The following PCSK5 variants were observed in gnomAD, a reference collection of about 807,000 sequenced individuals.
The protein encoded by PCSK5 is proprotein convertase subtilisin/kexin type 5.
In PCSK5, 129 loss-of-function variants were observed where a neutral mutation model predicts 233.2. That is an observed-to-expected ratio of 0.55 (90% CI 0.48 to 0.64). The LOEUF (loss-of-function observed/expected upper bound fraction) is 0.64. Among genes scored for constraint, PCSK5 ranks in the 30% least tolerant of loss-of-function variants. PCSK5 has a pLI of 0.00. For missense variants in PCSK5, 2,076 were observed against 2,430.1 expected, an observed-to-expected ratio of 0.85 and a Z score of 3.06; for synonymous variants, 825 against 879.2, an observed-to-expected ratio of 0.94 and a Z score of 1.09.
intron 2 of PCSK5, among the ~76,000 whole-genome samples, chr9:75,955,781 G>C (rs1825067408): frequency 6.6e-6 from 1 of 151,920 alleles, no homozygotes; most frequent in Admixed American, 6.6e-5. Flanking sequence ...AAATACAAAG[G>C]AGTAAGTTTT....
intron 11 of PCSK5, among the ~76,000 whole-genome samples, chr9:76,158,690 T>C (rs1469622468): frequency 6.6e-6 from 1 of 152,152 alleles, no homozygotes; most frequent in Non-Finnish European, 1.5e-5. Context: ...AATCATACAC[T>C]CTGGGGCCAG....
At chr9:76,022,520 A>T (rs779878500) in intron 3 of PCSK5, among the ~76,000 whole-genome samples, 34 of 152,184 alleles carry the variant, frequency 2.2e-4, no homozygotes, top group Non-Finnish European at 4.4e-4. Context: ...ATTATGTAGC[A>T]GCACAGCTCT....
chr9:75,935,948 A>G (rs1269733722), intron 2 of PCSK5, among the ~76,000 whole-genome samples: 1 of 152,184 alleles, frequency 6.6e-6, no homozygotes, highest in Non-Finnish European at 1.5e-5. Context: ...TACTACAAGC[A>G]CACCTCAGAG....
chr9:76,143,759 T>G (rs1312059582), intron 10 of PCSK5, among the ~76,000 whole-genome samples: 2 of 151,668 alleles, frequency 1.3e-5, no homozygotes, highest in African/African-American at 4.9e-5. Context: ...AAAGAAGTGC[T>G]TTTTGAAATG....
intron 20 of PCSK5, among the ~76,000 whole-genome samples, chr9:76,191,339 G>A (rs1347782055): frequency 1.3e-5 from 2 of 152,116 alleles, no homozygotes; most frequent in Non-Finnish European, 2.9e-5. Flanking sequence ...CCATTGTCAG[G>A]AGAATGTGGA....
chr9:76,269,504 A>C (rs1302817951), intron 24 of PCSK5, among the ~76,000 whole-genome samples: 1 of 152,204 alleles, frequency 6.6e-6, no homozygotes, highest in Non-Finnish European at 1.5e-5. Flanking sequence ...AGAAGCTTAA[A>C]AAGGGTATTA....
intron 24 of PCSK5, among the ~76,000 whole-genome samples, chr9:76,268,942 G>A (rs943627226): frequency 2.6e-5 from 4 of 152,226 alleles, no homozygotes; most frequent in African/African-American, 9.6e-5. Flanking sequence ...CTAATTAACT[G>A]TTTGGCTTTG....
At chr9:76,114,311 A>G (rs905063015) in intron 9 of PCSK5, among the ~76,000 whole-genome samples, 2 of 152,148 alleles carry the variant, frequency 1.3e-5, no homozygotes, top group Admixed American at 1.3e-4. Flanking sequence ...ACCAGACCCA[A>G]AGAGCAGTTA....
chr9:76,353,633 C>G (rs1212558767), intron 36 of PCSK5, among the ~76,000 whole-genome samples: 1 of 152,176 alleles, frequency 6.6e-6, no homozygotes, highest in Non-Finnish European at 1.5e-5. Context: ...AAATTAGGAA[C>G]AAATTTACAT....
intron 25 of PCSK5, 85 bp downstream of exon 25, chr9:76,292,360 A>C (rs1828304968): frequency 1.1e-6 from 1 of 876,504 alleles, no homozygotes; most frequent in South Asian, 1.4e-5. Context: ...CGATTAAAGC[A>C]AAGTGGCCCT....
chr9:76,181,842 C>T (rs1436162607), intron 16 of PCSK5, among the ~76,000 whole-genome samples: 2 of 152,132 alleles, frequency 1.3e-5, no homozygotes, highest in Non-Finnish European at 2.9e-5. Flanking sequence ...GGGGTATAGT[C>T]GTGCTCATGA....
Position 76,328,136 on chromosome 9 carries a change from T to A in PCSK5, c.4467T>A (p.Asp1489Glu). ...NEKCSPSEYWDEDAPGCKPCH... is the reference protein window; with the variant it reads ...NEKCSPSEYWEEDAPGCKPCH... Reference sequence around the variant, plus strand: ...AGTGCTCACCCTCCGAGTACTGGGATGAGGATGCTCCCGGGTGCAAGCCCT... The same window carrying A: ...AGTGCTCACCCTCCGAGTACTGGGAAGAGGATGCTCCCGGGTGCAAGCCCT... The change falls in exon 33 of 38, where the codon GAT becomes GAA. Residue 1489 changes from aspartate (D) to glutamate (E), a missense_variant. Around this residue, in one of 6 missense-constraint regions of PCSK5, gnomAD observed 1,510 missense variants for 1,538.1 expected, o/e 0.98. Transcript: ENST00000674117. 6.2e-7 allele frequency: 1 copy of A among 1,612,674 alleles called. No homozygotes were observed. The highest frequency in any genetic ancestry group is 2.2e-5 in the East Asian group (1 of 44,878).
chr9:76,235,211 C>G lies in PCSK5; in HGVS notation c.2866+1615C>G, dbSNP rs569120294. Among the ~76,000 whole-genome samples the G allele has an allele frequency of 9.9e-5, 15 of 152,178 alleles. No homozygotes were observed. In the East Asian group the frequency reaches 2.7e-3, roughly 27 times the overall value. ...TGGAAGGAATGTTAAGACCAGCAGT[C>G]AGAAAATGTGGGTTCAAGTCCCGCC... On this transcript the variant is annotated intron_variant, in intron 22 of 37. Coordinates refer to ENST00000674117, the MANE Select transcript of PCSK5 (RefSeq NM_001372043.1).
At chr9:76,103,417 C>G (rs1281173906) in intron 8 of PCSK5, among the ~76,000 whole-genome samples, 2 of 152,094 alleles carry the variant, frequency 1.3e-5, no homozygotes, top group Non-Finnish European at 2.9e-5. Context: ...GAGAGAGAAA[C>G]TCTTGACTGT....
At chr9:76,220,719 A>C (rs1433846002) in intron 20 of PCSK5, among the ~76,000 whole-genome samples, 1 of 152,132 alleles carries the variant, frequency 6.6e-6, no homozygotes, top group Non-Finnish European at 1.5e-5. Flanking sequence ...GAATGGCTAA[A>C]TTAAGTTAAT....
At chr9:75,989,452 C>T (rs1050971011) in intron 3 of PCSK5, among the ~76,000 whole-genome samples, 8 of 151,666 alleles carry the variant, frequency 5.3e-5, no homozygotes, top group African/African-American at 1.9e-4. Context: ...CATGATTGTG[C>T]CACTGCACTC....
intron 37 of PCSK5, among the ~76,000 whole-genome samples, chr9:76,357,034 T>G (rs1189083874): frequency 1.3e-5 from 2 of 151,760 alleles, no homozygotes; most frequent in African/African-American, 4.8e-5. Context: ...GGTTAAAGAA[T>G]AGAAAAAAAA....
chr9:76,062,696 A>G (rs1056592884), intron 5 of PCSK5, among the ~76,000 whole-genome samples: 21 of 152,214 alleles, frequency 1.4e-4, no homozygotes, highest in South Asian at 4.1e-4. Flanking sequence ...GTACATATTT[A>G]TGGGTTATAT....
At chr9:76,090,249 AG>A (rs1831231677) in intron 7 of PCSK5, among the ~76,000 whole-genome samples, 1 of 151,932 alleles carries the variant, frequency 6.6e-6, no homozygotes, top group Non-Finnish European at 1.5e-5. Context: ...CCCCACATTA[AG>A]ATTTAATTCT....
Sources: allele counts gnomAD v4.1 joint callset (sites outside exome capture counted in the v4.1 genomes callset), GRCh38; gene constraint gnomAD v4.1.1; regional missense constraint gnomAD v4.1.1; transcripts MANE v1.5; gene names NCBI Gene and HGNC (gene_info 2026-07-23, HGNC 2026-07-21).